Variants in PMFBP1 observed in about 807,000 individuals in gnomAD.
PMFBP1 encodes polyamine-modulated factor 1-binding protein 1.
A neutral mutation model predicts 137.8 loss-of-function variants in PMFBP1; 131 were observed. That is an observed-to-expected ratio of 0.95 (90% CI 0.82 to 1.10). The LOEUF is 1.10. PMFBP1 is among the 50% of genes least tolerant of loss of function. The probability of loss-of-function intolerance (pLI) is 0.00; values close to 1 mark genes in which losing one functional copy is unlikely to be tolerated. For synonymous variants in PMFBP1, 490 were observed against 450.4 expected (o/e 1.09, Z -1.11); for missense variants, 1,199 against 1,175.4 (o/e 1.02, Z -0.29).
chr16:72,158,426 C>T (rs149313420), intron 3 of PMFBP1, among the ~76,000 whole-genome samples: 5 of 152,258 alleles, frequency 3.3e-5, no homozygotes, highest in South Asian at 4.1e-4. Context: ...GCTATTCTCA[C>T]AACTCATCTG....
intron 9 of PMFBP1, 136 bp from the exon 10 acceptor site, chr16:72,133,127 TCCTGTTCC>T: frequency 1.1e-6 from 1 of 912,998 alleles, no homozygotes; most frequent in Admixed American, 2.4e-5. Flanking sequence ...CTGCCTCCAC[TCCTGTTCC>T]CCTCAGGCTA....
the PMFBP1 span, among the ~76,000 whole-genome samples, chr16:72,239,915 A>AAAAAAG: frequency 1.9e-3 from 281 of 145,084 alleles, 6 homozygotes; most frequent in African/African-American, 2.2e-3. Flanking sequence ...AAAAAAAAAA[A>AAAAAAG]AAGAATGTTC....
the PMFBP1 span, among the ~76,000 whole-genome samples, chr16:72,215,368 G>GAA: frequency 7.9e-6 from 1 of 126,050 alleles, no homozygotes; most frequent in Non-Finnish European, 1.7e-5. Flanking sequence ...GAGAGAGAGA[G>GAA]AAAAAAAAAA....
At chr16:72,220,449 C>T in the PMFBP1 span, among the ~76,000 whole-genome samples, 5 of 152,050 alleles carry the variant, frequency 3.3e-5, no homozygotes, top group East Asian at 7.7e-4. Context: ...AAACCAAAAG[C>T]CCATGAATAG....
At chr16:72,210,729 G>A in the PMFBP1 span, among the ~76,000 whole-genome samples, 1 of 152,176 alleles carries the variant, frequency 6.6e-6, no homozygotes, top group Non-Finnish European at 1.5e-5. Flanking sequence ...GGAAAACAGG[G>A]GCAATTTCCC....
the PMFBP1 span, among the ~76,000 whole-genome samples, chr16:72,207,781 T>A: frequency 1.3e-5 from 2 of 151,406 alleles, no homozygotes; most frequent in Non-Finnish European, 2.9e-5. Context: ...TATAAAGAAA[T>A]TTATCATAAG....
At chr16:72,128,979 C>T (rs2042505217) in intron 13 of PMFBP1, 87 bp downstream of exon 13, 1 of 1,540,714 alleles carries the variant, frequency 6.5e-7, no homozygotes, top group Non-Finnish European at 8.7e-7. Context: ...TCTGAGCATC[C>T]AGGGCCTCCG....
At chr16:72,118,398 A>C (rs1469147046), downstream of PMFBP1, among the ~76,000 whole-genome samples, 1 of 152,210 alleles carries the variant, frequency 6.6e-6, no homozygotes, top group Admixed American at 6.5e-5. Flanking sequence ...GGGGCATCCT[A>C]TGTAATATGT....
Position 72,139,275 on chromosome 16 carries a change from C to T in PMFBP1, c.918+14G>A. The stretch of plus-strand genomic sequence containing the variant: ...CCCGATCCCAGTAGGCACAGATCAG[C>T]AAATTTCTCCCACCTTTTTGATGTC... On this transcript the variant is annotated intron_variant, in intron 7 of 20. Coordinates refer to ENST00000237353, the MANE Select transcript of PMFBP1 (RefSeq NM_031293.3). 1 of 1,599,954 alleles carries T rather than the reference C, an allele frequency of 6.3e-7. No homozygotes were observed.
chr16:72,170,877 G>A (rs1182481964), intron 2 of PMFBP1, among the ~76,000 whole-genome samples: 1 of 152,110 alleles, frequency 6.6e-6, no homozygotes, highest in East Asian at 1.9e-4. Flanking sequence ...CTCATACCAA[G>A]TCTTTGGAAT....
intron 7 of PMFBP1, among the ~76,000 whole-genome samples, chr16:72,138,331 AC>A (rs2042664679): frequency 6.6e-6 from 1 of 151,824 alleles, no homozygotes; most frequent in African/African-American, 2.4e-5. Flanking sequence ...TCCCTCTGCC[AC>A]CCCGCTTCGC....
intron 6 of PMFBP1, among the ~76,000 whole-genome samples, chr16:72,139,893 C>A (rs2042689890): frequency 6.6e-6 from 1 of 151,946 alleles, no homozygotes. Context: ...AAAAGTGAAA[C>A]CCCCTCTTCA....
At chr16:72,185,433 T>C in the PMFBP1 span, among the ~76,000 whole-genome samples, 1 of 152,128 alleles carries the variant, frequency 6.6e-6, no homozygotes, top group Admixed American at 6.5e-5. Context: ...TGGACCATTC[T>C]GCTTGTGCTA....
chr16:72,190,252 C>T, the PMFBP1 span, among the ~76,000 whole-genome samples: 4 of 152,284 alleles, frequency 2.6e-5, no homozygotes, highest in East Asian at 1.9e-4. Context: ...GTTTTAGGGA[C>T]GGACTATTAT....
chr16:72,165,556 C>T (rs917541169), intron 2 of PMFBP1, among the ~76,000 whole-genome samples: 2 of 151,970 alleles, frequency 1.3e-5, no homozygotes, highest in African/African-American at 4.8e-5. Context: ...GTAGTTGGGA[C>T]TACAGGCACC....
At chr16:72,213,790 G>T in the PMFBP1 span, among the ~76,000 whole-genome samples, 1 of 152,166 alleles carries the variant, frequency 6.6e-6, no homozygotes, top group African/African-American at 2.4e-5. Flanking sequence ...GAATCTTTTG[G>T]GGAAGAGATC....
the PMFBP1 span, among the ~76,000 whole-genome samples, chr16:72,201,822 T>C: frequency 1.3e-5 from 2 of 152,152 alleles, no homozygotes; most frequent in Non-Finnish European, 2.9e-5. Context: ...TGAAGTCAGA[T>C]ATAAATGAAA....
At chr16:72,227,791 TCAC>T in the PMFBP1 span, among the ~76,000 whole-genome samples, 8 of 152,190 alleles carry the variant, frequency 5.3e-5, no homozygotes, top group Admixed American at 2.0e-4. Context: ...TTGATAATAT[TCAC>T]CACATGTGGT....
At chr16:72,150,515 TG>T in intron 5 of PMFBP1, 92 bp downstream of exon 5, 1 of 1,245,840 alleles carries the variant, frequency 8.0e-7, no homozygotes, top group Non-Finnish European at 1.2e-6. Flanking sequence ...GGTAAAGGTT[TG>T]GGTTTCCAGT....
Sources: allele counts gnomAD v4.1 joint callset (sites outside exome capture counted in the v4.1 genomes callset), GRCh38; gene constraint gnomAD v4.1.1; transcripts MANE v1.5; gene names NCBI Gene and HGNC (gene_info 2026-07-23, HGNC 2026-07-21).